The following NRG3 variants were observed in gnomAD, a reference collection of about 807,000 sequenced individuals.
NRG3 encodes the protein neuregulin 3, also known as pro-neuregulin-3, membrane-bound isoform.
A neutral mutation model predicts 66.9 loss-of-function variants in NRG3; 31 were observed. The ratio of observed to expected loss-of-function variants is 0.46; its 90% CI spans 0.35 to 0.63. The LOEUF (loss-of-function observed/expected upper bound fraction) is 0.63. NRG3 is among the 20% of genes least tolerant of loss of function. The pLI, the probability that NRG3 is intolerant of heterozygous loss-of-function variation, is 0.00. For missense variants in NRG3, 910 were observed against 878.9 expected (o/e 1.04, Z -0.45); for synonymous variants, 393 against 359.4 (o/e 1.09, Z -1.06).
At chr10:82,633,667 C>A (rs1376050090) in intron 2 of NRG3, among the ~76,000 whole-genome samples, 1 of 152,142 alleles carries the variant, frequency 6.6e-6, no homozygotes, top group South Asian at 2.1e-4. Flanking sequence ...AAGGTTAGGA[C>A]TTTCTACCAG....
chr10:82,435,309 A>G (rs910779317), intron 2 of NRG3, among the ~76,000 whole-genome samples: 2 of 151,688 alleles, frequency 1.3e-5, no homozygotes, highest in African/African-American at 4.8e-5. Flanking sequence ...ATCATTTTTT[A>G]TTGTGTCTGT....
At chr10:82,942,520 A>G (rs1848664513) in intron 4 of NRG3, among the ~76,000 whole-genome samples, 1 of 152,240 alleles carries the variant, frequency 6.6e-6, no homozygotes, top group Non-Finnish European at 1.5e-5. Flanking sequence ...CAAAGAGCAC[A>G]ATTTATTTTT....
At chr10:82,753,936 A>G (rs575781489) in intron 3 of NRG3, among the ~76,000 whole-genome samples, 74 of 143,304 alleles carry the variant, frequency 5.2e-4, no homozygotes, top group African/African-American at 1.9e-3. Context: ...AAAGAGTGAG[A>G]CTCCATCTCA....
intron 2 of NRG3, among the ~76,000 whole-genome samples, chr10:82,670,176 A>G (rs2053153737): frequency 6.6e-6 from 1 of 151,740 alleles, no homozygotes; most frequent in African/African-American, 2.4e-5. Context: ...TCCCTCTGTC[A>G]TTTCTTCCCA....
At chr10:82,182,430 T>G (rs1489481869) in intron 1 of NRG3, among the ~76,000 whole-genome samples, 2 of 151,678 alleles carry the variant, frequency 1.3e-5, no homozygotes, top group African/African-American at 4.8e-5. Flanking sequence ...AGCATTACCA[T>G]GGGGCTTACA....
chr10:82,867,685 A>C (rs1035817723), intron 4 of NRG3, among the ~76,000 whole-genome samples: 7 of 152,206 alleles, frequency 4.6e-5, no homozygotes, highest in African/African-American at 1.7e-4. Context: ...ATAAAGAGTC[A>C]AAGAAGAGAT....
chr10:82,662,058 C>G (rs1209546778), intron 2 of NRG3, among the ~76,000 whole-genome samples: 1 of 152,206 alleles, frequency 6.6e-6, no homozygotes, highest in Non-Finnish European at 1.5e-5. Flanking sequence ...GAGCCCAAAG[C>G]CAAATGCCCC....
intron 1 of NRG3, among the ~76,000 whole-genome samples, chr10:81,991,240 A>T (rs915072763): frequency 6.6e-6 from 1 of 152,176 alleles, no homozygotes; most frequent in African/African-American, 2.4e-5. Flanking sequence ...AAATGGATGC[A>T]TTATTATATT....
At chr10:82,689,172 A>C (rs1220247203) in intron 2 of NRG3, among the ~76,000 whole-genome samples, 2 of 152,176 alleles carry the variant, frequency 1.3e-5, no homozygotes, top group East Asian at 3.8e-4. Flanking sequence ...GGTTCACCCT[A>C]ATACTTACAG....
chr10:82,287,201 G>A (rs1258049881), intron 1 of NRG3, among the ~76,000 whole-genome samples: 2 of 152,028 alleles, frequency 1.3e-5, no homozygotes, highest in Non-Finnish European at 2.9e-5. Flanking sequence ...GTCCCTCATG[G>A]CTTGGTTCTG....
rs75553361 is a variant in NRG3, at chr10:82,184,699, A to G, written c.824-174040A>G. Among the ~76,000 whole-genome samples, 12 of 152,270 alleles carry G rather than the reference A, an allele frequency of 7.9e-5. No homozygotes were observed. In the East Asian group the frequency reaches 2.3e-3, roughly 29 times the overall value. On this transcript the variant is annotated intron_variant, in intron 1 of 8. Coordinates refer to ENST00000372141, the MANE Select transcript of NRG3 (RefSeq NM_001010848.4). Reference sequence around the variant, plus strand: ...TTCTTGCCCAAACGAAGAATGTGTTACTTTGGAAGAGGTCATTAGCTTCTA... The same window carrying G: ...TTCTTGCCCAAACGAAGAATGTGTTGCTTTGGAAGAGGTCATTAGCTTCTA...
At chr10:82,444,137 C>CT (rs1387813649) in intron 2 of NRG3, among the ~76,000 whole-genome samples, 2 of 152,214 alleles carry the variant, frequency 1.3e-5, no homozygotes, top group African/African-American at 4.8e-5. Flanking sequence ...GAGCCTTGCT[C>CT]TATCGCCCAG....
chr10:82,525,396 AG>A (rs1041262032), intron 2 of NRG3, among the ~76,000 whole-genome samples: 2 of 151,878 alleles, frequency 1.3e-5, no homozygotes, highest in African/African-American at 4.8e-5. Flanking sequence ...CCTAACGTTG[AG>A]GGGGTATCCC....
At chr10:82,676,731 C>T (rs1422195932) in intron 2 of NRG3, among the ~76,000 whole-genome samples, 1 of 152,136 alleles carries the variant, frequency 6.6e-6, no homozygotes, top group Non-Finnish European at 1.5e-5. Flanking sequence ...TATCTGCCCC[C>T]CTCGGCCTCC....
chr10:82,850,971 T>G (rs1425380686), intron 3 of NRG3, among the ~76,000 whole-genome samples: 1 of 152,138 alleles, frequency 6.6e-6, no homozygotes, highest in Admixed American at 6.5e-5. Context: ...CAGCACTTTT[T>G]TTACAAGTTG....
At chr10:82,980,663 G>A (rs1379773991) in intron 8 of NRG3, among the ~76,000 whole-genome samples, 1 of 152,198 alleles carries the variant, frequency 6.6e-6, no homozygotes, top group East Asian at 1.9e-4. Context: ...AAGGAAAACT[G>A]GAAGATAGGA....
intron 3 of NRG3, among the ~76,000 whole-genome samples, chr10:82,820,233 CTT>C (rs1209416153): frequency 2.0e-5 from 3 of 152,304 alleles, no homozygotes; most frequent in African/African-American, 7.2e-5. Flanking sequence ...AAGCTACAAA[CTT>C]TTAACACTTA....
chr10:82,561,947 A>G (rs772555277), intron 2 of NRG3, among the ~76,000 whole-genome samples: 10 of 152,168 alleles, frequency 6.6e-5, no homozygotes, highest in Admixed American at 6.6e-5. Context: ...TTAAGCACCA[A>G]AGTTACTTAA....
rs17100196 is a variant in NRG3, at chr10:82,538,325, C to G, written c.953+179457C>G. 7.2e-3 allele frequency among the ~76,000 whole-genome samples: 1,102 copies of G among 152,290 alleles called. 38 individuals are homozygous for G. The highest frequency in any genetic ancestry group is 0.048 in the Admixed American group (733 of 15,294). Reference sequence around the variant, plus strand: ...TTTACAACATTCTGCCTATTTCTAGCTGCAGTTTCTATCCTAAATAAATCA... The same window carrying G: ...TTTACAACATTCTGCCTATTTCTAGGTGCAGTTTCTATCCTAAATAAATCA... On this transcript the variant is annotated intron_variant, in intron 2 of 8. Transcript: ENST00000372141.
Sources: gnomAD v4.1 joint callset for allele counts (sites outside exome capture counted in the v4.1 genomes callset) on GRCh38, gnomAD v4.1.1 for gene constraint, MANE v1.5 for transcripts, NCBI Gene and HGNC (gene_info 2026-07-23, HGNC 2026-07-21) for gene names.